Variants in PRIM2 observed in about 807,000 individuals in gnomAD.
PRIM2 encodes the protein DNA primase large subunit.
Under a neutral mutation model 67.3 loss-of-function variants are expected in PRIM2, and 39 were observed. That is an observed-to-expected ratio of 0.58 (90% confidence interval 0.45 to 0.76). The LOEUF is 0.76. Ranked by LOEUF, PRIM2 falls within the 30% of genes least tolerant of loss-of-function variation. The pLI is 0.00. For synonymous variants in PRIM2, 143 were observed against 198.7 expected (o/e 0.72, Z 2.36); for missense variants, 398 against 598.7 (o/e 0.66, Z 3.50).
At chr6:57,469,695 C>G (rs1451375961) in intron 7 of PRIM2, among the ~76,000 whole-genome samples, 1 of 151,968 alleles carries the variant, frequency 6.6e-6, no homozygotes, top group African/African-American at 2.4e-5. Flanking sequence ...TATATACTTT[C>G]AATATTTTAA....
intron 11 of PRIM2, among the ~76,000 whole-genome samples, chr6:57,602,557 T>G (rs1288812148): frequency 6.6e-6 from 1 of 152,182 alleles, no homozygotes; most frequent in Admixed American, 6.5e-5. Flanking sequence ...TTTTTTAGCC[T>G]AGCAGCCATA....
intron 8 of PRIM2, among the ~76,000 whole-genome samples, chr6:57,532,093 G>C (rs1176314688): frequency 6.6e-6 from 1 of 152,052 alleles, no homozygotes; most frequent in African/African-American, 2.4e-5. Flanking sequence ...CTATGTTGTC[G>C]TGCTGTTAAT....
intron 6 of PRIM2, among the ~76,000 whole-genome samples, chr6:57,381,239 A>G (rs1223984548): frequency 6.6e-6 from 1 of 152,184 alleles, no homozygotes; most frequent in Non-Finnish European, 1.5e-5. Context: ...ATAGTGTGAG[A>G]TGTCGTTGGA....
At chr6:57,621,556 A>G (rs1398429658) in intron 12 of PRIM2, among the ~76,000 whole-genome samples, 2 of 152,034 alleles carry the variant, frequency 1.3e-5, no homozygotes, top group Non-Finnish European at 2.9e-5. Flanking sequence ...TTTAATATCA[A>G]CTTAGCATCT....
intron 7 of PRIM2, among the ~76,000 whole-genome samples, chr6:57,461,797 T>C (rs1773014300): frequency 1.3e-5 from 2 of 152,192 alleles, no homozygotes. Flanking sequence ...TCAAAGAATA[T>C]ACCTAGTAGC....
upstream of PRIM2, among the ~76,000 whole-genome samples, chr6:57,317,444 G>GA (rs3834320): frequency 1.3e-3 from 199 of 151,970 alleles, 4 homozygotes; most frequent in East Asian, 0.017. Flanking sequence ...TTAAAATTTG[G>GA]AAAAAAAATC....
chr6:57,374,334 C>A (rs1293257037), intron 5 of PRIM2, among the ~76,000 whole-genome samples: 1 of 148,322 alleles, frequency 6.7e-6, no homozygotes, highest in Non-Finnish European at 1.5e-5. Flanking sequence ...CGCTCTGTCG[C>A]CCAGGCTGGA....
chr6:57,343,146 T>C (rs919637734), intron 5 of PRIM2, among the ~76,000 whole-genome samples: 1 of 152,232 alleles, frequency 6.6e-6, no homozygotes, highest in Non-Finnish European at 1.5e-5. Flanking sequence ...AAAATACTTT[T>C]GGTATTCTGT....
chr6:57,563,262 T>C (rs1448416816), intron 10 of PRIM2, among the ~76,000 whole-genome samples: 1 of 147,708 alleles, frequency 6.8e-6, no homozygotes, highest in African/African-American at 2.5e-5. Flanking sequence ...TATAATGAAG[T>C]GTACTCACCA....
the PRIM2 span, among the ~76,000 whole-genome samples, chr6:57,308,558 T>C: frequency 6.6e-6 from 1 of 152,220 alleles, no homozygotes; most frequent in Non-Finnish European, 1.5e-5. Flanking sequence ...TAGAATCACA[T>C]AGTGGGATAA....
chr6:57,462,905 G>A (rs1773054284), intron 7 of PRIM2, among the ~76,000 whole-genome samples: 1 of 152,192 alleles, frequency 6.6e-6, no homozygotes, highest in Admixed American at 6.5e-5. Context: ...GAGAAGCTGA[G>A]AGCTGTTAAA....
intron 5 of PRIM2, among the ~76,000 whole-genome samples, chr6:57,338,413 A>G (rs1266485365): frequency 6.6e-6 from 1 of 151,966 alleles, no homozygotes; most frequent in African/African-American, 2.4e-5. Flanking sequence ...CAAAAAAGAG[A>G]ATTTGAGACC....
At chr6:57,371,091 A>G (rs1463522492) in intron 5 of PRIM2, among the ~76,000 whole-genome samples, 1 of 147,996 alleles carries the variant, frequency 6.8e-6, no homozygotes, top group African/African-American at 2.5e-5. Flanking sequence ...GAAATATTGC[A>G]TTAAACTCTA....
intron 7 of PRIM2, among the ~76,000 whole-genome samples, chr6:57,418,933 T>C (rs6459222): frequency 0.62 from 93,565 of 151,628 alleles, 29,053 homozygotes; most frequent in African/African-American, 0.68. Flanking sequence ...GGTCTCCTTT[T>C]TTCTAGGAAT....
chr6:57,392,786 A>G (rs1427252744), intron 7 of PRIM2, among the ~76,000 whole-genome samples: 1 of 152,042 alleles, frequency 6.6e-6, no homozygotes, highest in Non-Finnish European at 1.5e-5. Flanking sequence ...TCACCCGAGC[A>G]GTATACGCTA....
intron 7 of PRIM2, among the ~76,000 whole-genome samples, chr6:57,505,691 T>G (rs1363580392): frequency 2.0e-5 from 3 of 152,106 alleles, no homozygotes; most frequent in Non-Finnish European, 4.4e-5. Flanking sequence ...GGAGATGTAT[T>G]AATAGTTTAG....
chr6:57,375,960 A>C (rs1439287033), intron 5 of PRIM2, among the ~76,000 whole-genome samples: 1 of 151,894 alleles, frequency 6.6e-6, no homozygotes, highest in Non-Finnish European at 1.5e-5. Context: ...TAATTCTAAC[A>C]CTTTGAGAGG....
At chr6:57,529,583 A>G in intron 8 of PRIM2, among the ~76,000 whole-genome samples, 1 of 152,194 alleles carries the variant, frequency 6.6e-6, no homozygotes, top group Non-Finnish European at 1.5e-5. Context: ...ATAGAATCCA[A>G]TAACACATTG....
chr6:57,374,211 T>G (rs1245947960), intron 5 of PRIM2, among the ~76,000 whole-genome samples: 1 of 150,248 alleles, frequency 6.7e-6, no homozygotes, highest in Non-Finnish European at 1.5e-5. Context: ...TTGTGGCAAT[T>G]GTAAATGGGA....
Sources: allele counts gnomAD v4.1 joint callset (sites outside exome capture counted in the v4.1 genomes callset), GRCh38; gene constraint gnomAD v4.1.1; transcripts MANE v1.5; gene names NCBI Gene and HGNC (gene_info 2026-07-23, HGNC 2026-07-21).